Variants in DAB1 observed in about 807,000 individuals in gnomAD.
The protein encoded by DAB1 is disabled homolog 1.
Under a neutral mutation model 64.6 loss-of-function variants are expected in DAB1, and 15 were observed. The ratio of observed to expected loss-of-function variants is 0.23; its 90% CI spans 0.16 to 0.36. DAB1 has a LOEUF of 0.36. DAB1 is among the 10% of genes least tolerant of loss of function. The probability of loss-of-function intolerance (pLI) is 1.00; values close to 1 mark genes in which losing one functional copy is unlikely to be tolerated. For synonymous variants in DAB1, 235 were observed against 251.9 expected (o/e 0.93, Z 0.64); for missense variants, 596 against 706.7 (o/e 0.84, Z 1.78).
intron 7 of DAB1, among the ~76,000 whole-genome samples, chr1:57,612,477 G>A (rs952558790): frequency 2.6e-5 from 4 of 152,086 alleles, no homozygotes; most frequent in African/African-American, 7.2e-5. Context: ...CAGAGTCAGA[G>A]AGAGAAGATG....
chr1:57,515,852 T>C (rs1481042896), intron 7 of DAB1, among the ~76,000 whole-genome samples: 2 of 152,208 alleles, frequency 1.3e-5, no homozygotes, highest in South Asian at 2.1e-4. Flanking sequence ...ACTAAAATGA[T>C]GGGCTGGGTT....
rs372629598 is a variant in DAB1, at chr1:57,397,683, T to C, written c.-137+26247A>G. Among the ~76,000 whole-genome samples the C allele has an allele frequency of 2.6e-5, 4 of 152,346 alleles. No homozygotes were observed. The East Asian group carries it at 7.7e-4, about 29-fold the overall frequency. On this transcript the variant is annotated intron_variant, in intron 1 of 14. Transcript: ENST00000371236. ...CAGGAATTCATGATCAACTTTTTCT[T>C]AATGTACAAAAGACTTCTATTAGTC...
intron 1 of DAB1, among the ~76,000 whole-genome samples, chr1:57,398,346 G>A (rs1430290297): frequency 6.6e-6 from 1 of 152,058 alleles, no homozygotes; most frequent in Admixed American, 6.6e-5. Context: ...AGGATCTAGG[G>A]ATGCCTGAGG....
At chr1:58,543,835 C>A (rs778177905) in intron 1 of DAB1, among the ~76,000 whole-genome samples, 4 of 152,174 alleles carry the variant, frequency 2.6e-5, no homozygotes, top group Non-Finnish European at 4.4e-5. Flanking sequence ...ATACAACAGA[C>A]CTTTCTACAA....
intron 4 of DAB1, among the ~76,000 whole-genome samples, chr1:58,322,905 C>T (rs1486028575): frequency 6.6e-6 from 1 of 152,120 alleles, no homozygotes. Context: ...GAATACTATG[C>T]AGCCATAAAA....
chr1:58,520,997 C>T (rs7553607), intron 2 of DAB1, among the ~76,000 whole-genome samples: 65,150 of 152,084 alleles, frequency 0.43, 16,174 homozygotes, highest in East Asian at 0.66. Flanking sequence ...ATGGCAGGAT[C>T]CACTTTCAAG....
chr1:57,460,192 A>G (rs1308399609), intron 7 of DAB1, among the ~76,000 whole-genome samples: 8 of 152,228 alleles, frequency 5.3e-5, no homozygotes, highest in African/African-American at 1.9e-4. Context: ...TAGCTCATTC[A>G]GGGCACACAG....
chr1:58,049,918 C>T (rs1243896043), intron 5 of DAB1, among the ~76,000 whole-genome samples: 6 of 148,602 alleles, frequency 4.0e-5, no homozygotes, highest in Non-Finnish European at 8.9e-5. Context: ...TTTGAAAAAA[C>T]CATTAGTGTT....
At chr1:57,080,680 T>C (rs904770551) in intron 4 of DAB1, among the ~76,000 whole-genome samples, 6 of 151,958 alleles carry the variant, frequency 3.9e-5, no homozygotes, top group African/African-American at 1.5e-4. Context: ...GTGTGTTTAA[T>C]CAATTAGCAA....
chr1:58,016,972 G>A (rs1432215893), intron 5 of DAB1, among the ~76,000 whole-genome samples: 3 of 152,078 alleles, frequency 2.0e-5, no homozygotes, highest in Non-Finnish European at 2.9e-5. Context: ...CTGAGTGCAC[G>A]TATTATTCTC....
chr1:58,104,716 C>T (rs967018223), intron 5 of DAB1, among the ~76,000 whole-genome samples: 2 of 152,080 alleles, frequency 1.3e-5, no homozygotes, highest in Non-Finnish European at 2.9e-5. Flanking sequence ...AGATAGCTCA[C>T]AAACATTTGT....
chr1:57,772,732 T>C (rs1486892278), intron 6 of DAB1, among the ~76,000 whole-genome samples: 1 of 152,218 alleles, frequency 6.6e-6, no homozygotes, highest in East Asian at 1.9e-4. Context: ...GGCATTCTCA[T>C]TGTGGTTTTA....
intron 1 of DAB1, among the ~76,000 whole-genome samples, chr1:57,874,653 G>C (rs1294185422): frequency 6.6e-6 from 1 of 152,092 alleles, no homozygotes; most frequent in Non-Finnish European, 1.5e-5. Context: ...AAGTTCAGGG[G>C]AGCATGACAA....
rs571247782 is a variant in DAB1, at chr1:58,369,831, T to C, written n.258-26428A>G. ...GGTGACTGGAATTAGAGAATCTTCT[T>C]GGTTTATTTTTCCCTTCAGTTAATC... On this transcript the variant is annotated intron_variant and non_coding_transcript_variant, in intron 3 of 20. Coordinates refer to the DAB1 transcript ENST00000485760. Among the ~76,000 whole-genome samples, 6 of 152,354 alleles carry C rather than the reference T, an allele frequency of 3.9e-5. No individual in the cohort carries two copies. The East Asian group carries it at 1.2e-3, about 29-fold the overall frequency.
At chr1:58,526,418 T>C (rs916691343) in intron 2 of DAB1, among the ~76,000 whole-genome samples, 2 of 152,102 alleles carry the variant, frequency 1.3e-5, no homozygotes, top group Non-Finnish European at 2.9e-5. Flanking sequence ...GAATTTAATA[T>C]GTGAAGTGGC....
chr1:58,440,546 C>T (rs141340908), intron 3 of DAB1, among the ~76,000 whole-genome samples: 11 of 152,190 alleles, frequency 7.2e-5, no homozygotes, highest in East Asian at 1.9e-4. Context: ...TACAGGTCTT[C>T]GGGAGAAGTA....
At chr1:57,383,123 T>C (rs1681519994) in intron 1 of DAB1, among the ~76,000 whole-genome samples, 3 of 152,020 alleles carry the variant, frequency 2.0e-5, no homozygotes, top group Admixed American at 2.0e-4. Flanking sequence ...GGTGGTAGTG[T>C]ATATTACAGA....
At chr1:58,294,865 C>CGTGTGTGTGTGTGTGTGTGTGTGT (rs55922554) in intron 4 of DAB1, among the ~76,000 whole-genome samples, 11 of 137,722 alleles carry the variant, frequency 8.0e-5, no homozygotes, top group East Asian at 2.3e-4. Context: ...TGGTCCAGAA[C>CGTGTGTGTGTGTGTGTGTGTGTGT]GTGTGTGTGT....
At chr1:58,096,528 T>C (rs1650992713) in intron 5 of DAB1, among the ~76,000 whole-genome samples, 2 of 152,226 alleles carry the variant, frequency 1.3e-5, no homozygotes, top group African/African-American at 2.4e-5. Context: ...TCATTAGATA[T>C]TGGATAAAAG....
Sources: allele counts gnomAD v4.1 joint callset (sites outside exome capture counted in the v4.1 genomes callset), GRCh38; gene constraint gnomAD v4.1.1; transcripts MANE v1.5; gene names NCBI Gene and HGNC (gene_info 2026-07-23, HGNC 2026-07-21).